The following SLC35F4 variants were observed in gnomAD, a reference collection of about 807,000 sequenced individuals.
The protein encoded by SLC35F4 is chromosome 14 open reading frame 36.
Under a neutral mutation model 44.2 loss-of-function variants are expected in SLC35F4, and 24 were observed. The observed-to-expected ratio is 0.54, with a 90% CI of 0.39 to 0.76. The LOEUF (loss-of-function observed/expected upper bound fraction) is 0.76, where lower values mean the gene tolerates loss of function less well. Among genes scored for constraint, SLC35F4 ranks in the 30% least tolerant of loss-of-function variants. The pLI is 0.00. For missense variants in SLC35F4, 562 were observed against 586.1 expected (o/e 0.96, Z 0.42); for synonymous variants, 238 against 223.6 (o/e 1.06, Z -0.57).
rs1594892273 is a variant in SLC35F4, at chr14:57,571,938, C to T, written c.889G>A (p.Val297Met). Residue 297 changes from valine to methionine, a missense_variant, in exon 5 of 8, where the codon GTG becomes ATG. Val to Met is a conservative substitution (Grantham distance 21). Coordinates refer to ENST00000556826, the MANE Select transcript of SLC35F4 (RefSeq NM_001306087.2). ...DNFHADSIIG[V>M]AFAVGSASTS... ...GAGGCTGAGCCCACCGCAAATGCCA[C>T]TCCTATGATGGAATCAGCGTGGAAA... 1 of 1,612,788 alleles carries T rather than the reference C, an allele frequency of 6.2e-7. No individual in the cohort carries two copies. The highest frequency in any genetic ancestry group is 8.5e-7 in the Non-Finnish European group (1 of 1,179,340).
At chr14:57,844,474 T>C (rs1436257615) in intron 1 of SLC35F4, among the ~76,000 whole-genome samples, 1 of 152,184 alleles carries the variant, frequency 6.6e-6, no homozygotes, top group African/African-American at 2.4e-5. Flanking sequence ...AGAAATTTCA[T>C]TAAATATTAA....
At chr14:57,817,315 A>G (rs1192211227) in intron 1 of SLC35F4, among the ~76,000 whole-genome samples, 1 of 152,076 alleles carries the variant, frequency 6.6e-6, no homozygotes, top group East Asian at 1.9e-4. Flanking sequence ...AAGCCCTGAG[A>G]ATTTTGAATA....
At chr14:57,681,577 C>A (rs2074904807) in intron 1 of SLC35F4, among the ~76,000 whole-genome samples, 1 of 152,100 alleles carries the variant, frequency 6.6e-6, no homozygotes. Flanking sequence ...GCATACCATT[C>A]AGGACACTGG....
intron 1 of SLC35F4, among the ~76,000 whole-genome samples, chr14:57,721,107 G>A (rs1230398009): frequency 1.3e-5 from 2 of 149,900 alleles, no homozygotes; most frequent in Non-Finnish European, 3.0e-5. Flanking sequence ...GGTACCAGGA[G>A]TGGCTCCAGA....
At chr14:57,635,904 G>A (rs2072997705) in intron 1 of SLC35F4, among the ~76,000 whole-genome samples, 2 of 152,148 alleles carry the variant, frequency 1.3e-5, no homozygotes, top group Admixed American at 6.5e-5. Context: ...TACTTCAACA[G>A]CATGTGAAAA....
chr14:57,643,766 C>A (rs923000343), intron 1 of SLC35F4, among the ~76,000 whole-genome samples: 4 of 152,252 alleles, frequency 2.6e-5, no homozygotes, highest in East Asian at 3.9e-4. Context: ...ATCCCTCCCC[C>A]CTTCCCCCAC....
intron 1 of SLC35F4, among the ~76,000 whole-genome samples, chr14:57,924,649 G>A (rs1989489): frequency 0.095 from 14,493 of 151,790 alleles, 1,787 homozygotes; most frequent in East Asian, 0.4. Flanking sequence ...GGGTTTCACC[G>A]TGTTAGCCAG....
intron 1 of SLC35F4, among the ~76,000 whole-genome samples, chr14:57,665,037 G>A (rs1247881097): frequency 6.6e-6 from 1 of 152,070 alleles, no homozygotes; most frequent in African/African-American, 2.4e-5. Flanking sequence ...ACTTCAGAGT[G>A]GGGCTGAACC....
intron 1 of SLC35F4, among the ~76,000 whole-genome samples, chr14:57,914,435 C>T (rs184466524): frequency 7.2e-5 from 11 of 152,170 alleles, no homozygotes; most frequent in Middle Eastern, 3.4e-3. Context: ...TGGTGGCGGG[C>T]GCCTGTAGTC....
chr14:57,894,817 C>A (rs1412467689), intron 1 of SLC35F4, among the ~76,000 whole-genome samples: 2 of 152,102 alleles, frequency 1.3e-5, no homozygotes, highest in East Asian at 1.9e-4. Flanking sequence ...TCTGTCTTCA[C>A]AGGACCTGAA....
At chr14:57,662,165 C>G (rs1243487195) in intron 1 of SLC35F4, among the ~76,000 whole-genome samples, 8 of 152,144 alleles carry the variant, frequency 5.3e-5, no homozygotes, top group Non-Finnish European at 1.5e-5. Flanking sequence ...GATCAGAGTT[C>G]TATAACTTGG....
chr14:57,752,060 A>G (rs2076897309), intron 1 of SLC35F4, among the ~76,000 whole-genome samples: 1 of 152,140 alleles, frequency 6.6e-6, no homozygotes. Flanking sequence ...CTCCCAGGAC[A>G]GCTCGTCTCT....
chr14:57,723,706 C>A (rs1483371397), intron 1 of SLC35F4, among the ~76,000 whole-genome samples: 1 of 152,246 alleles, frequency 6.6e-6, no homozygotes. Flanking sequence ...AGCAATATAC[C>A]TTTACTATCC....
chr14:57,565,205 G>T (rs572037344), intron 7 of SLC35F4, among the ~76,000 whole-genome samples: 40 of 152,262 alleles, frequency 2.6e-4, no homozygotes, highest in African/African-American at 9.4e-4. Flanking sequence ...TGCGTATGAG[G>T]ATATTTTTAA....
chr14:57,927,582 C>A (rs1303920885), intron 1 of SLC35F4, among the ~76,000 whole-genome samples: 1 of 151,706 alleles, frequency 6.6e-6, no homozygotes, highest in Admixed American at 6.6e-5. Context: ...CCTCTACATC[C>A]AGGGTTCAAA....
intron 1 of SLC35F4, among the ~76,000 whole-genome samples, chr14:57,784,362 T>C (rs2140763701): frequency 6.6e-6 from 1 of 152,308 alleles, no homozygotes; most frequent in Middle Eastern, 3.4e-3. Context: ...CTAAATTAGA[T>C]GGTAGAAGAA....
chr14:57,628,199 G>A (rs575528103), intron 1 of SLC35F4, among the ~76,000 whole-genome samples: 25 of 149,242 alleles, frequency 1.7e-4, no homozygotes, highest in African/African-American at 5.7e-4. Context: ...CTATTTACGA[G>A]TTGTACAGAA....
intron 1 of SLC35F4, among the ~76,000 whole-genome samples, chr14:57,664,141 C>T (rs1490877012): frequency 6.6e-6 from 1 of 152,116 alleles, no homozygotes; most frequent in African/African-American, 2.4e-5. Context: ...GGGACATTTA[C>T]TAATCTGCTG....
intron 1 of SLC35F4, among the ~76,000 whole-genome samples, chr14:57,964,991 A>AAAAAATATATATATATATATATAT (rs1555331532): frequency 8.6e-6 from 1 of 115,696 alleles, no homozygotes; most frequent in African/African-American, 3.7e-5. Flanking sequence ...AAAAAAAAAA[A>AAAAAATATATATATATATATATAT]ATATATATAT....
Sources: allele counts gnomAD v4.1 joint callset (sites outside exome capture counted in the v4.1 genomes callset), GRCh38; gene constraint gnomAD v4.1.1; transcripts MANE v1.5; gene names NCBI Gene and HGNC (gene_info 2026-07-23, HGNC 2026-07-21).